Variants in ATG14 observed in about 807,000 individuals in gnomAD.
ATG14 encodes the protein autophagy related 14, also known as beclin 1-associated autophagy-related key regulator.
Under a neutral mutation model 60.4 loss-of-function variants are expected in ATG14, and 35 were observed. The observed-to-expected ratio is 0.58, with a 90% CI of 0.44 to 0.77. The LOEUF is 0.77. Among genes scored for constraint, ATG14 ranks in the 30% least tolerant of loss-of-function variants. The probability of loss-of-function intolerance (pLI) is 0.00; values close to 1 mark genes in which losing one functional copy is unlikely to be tolerated. For synonymous variants in ATG14, 234 were observed against 228.8 expected, an observed-to-expected ratio of 1.02 and a Z score of -0.21; for missense variants, 647 against 626.3, an observed-to-expected ratio of 1.03 and a Z score of -0.35.
chr14:55,391,297 A>T (rs1885211796), intron 3 of ATG14: 1 of 193,712 alleles, frequency 5.2e-6, no homozygotes, highest in Non-Finnish European at 1.0e-5. Context: ...AACATGGTGA[A>T]ACCCCATCTC....
chr14:55,395,884 T>C, intron 3 of ATG14, 56 bp downstream of exon 3: 1 of 1,271,572 alleles, frequency 7.9e-7, no homozygotes, highest in South Asian at 1.7e-5. Context: ...TTTTATAAGC[T>C]CTACCAACTT....
intron 3 of ATG14, among the ~76,000 whole-genome samples, chr14:55,391,671 C>A (rs1359135904): frequency 2.0e-5 from 3 of 152,090 alleles, no homozygotes; most frequent in African/African-American, 4.8e-5. Context: ...ACTCACACCA[C>A]CCTCATGTCA....
chr14:55,377,244 G>A (rs1435882000), intron 9 of ATG14, among the ~76,000 whole-genome samples: 2 of 152,180 alleles, frequency 1.3e-5, no homozygotes, highest in Admixed American at 1.3e-4. Context: ...CTACTTGGGA[G>A]GCTGAGGCAG....
chr14:55,391,293 G>A, intron 3 of ATG14: 1 of 197,006 alleles, frequency 5.1e-6, no homozygotes, highest in Non-Finnish European at 1.0e-5. Context: ...GGCCAACATG[G>A]TGAAACCCCA....
intron 1 of ATG14, among the ~76,000 whole-genome samples, chr14:55,403,548 T>G (rs1885445011): frequency 6.6e-6 from 1 of 152,168 alleles, no homozygotes; most frequent in Admixed American, 6.5e-5. Context: ...ATAATCTTTT[T>G]TTTTTCATGA....
At chr14:55,401,463 AAC>A (rs1264664440) in intron 1 of ATG14, among the ~76,000 whole-genome samples, 1 of 152,142 alleles carries the variant, frequency 6.6e-6, no homozygotes, top group African/African-American at 2.4e-5. Context: ...TCTGCCAGTG[AAC>A]CTGTTCCATG....
rs147703180 is a variant in ATG14, at chr14:55,408,526, C to T, written c.221+3076G>A. On this transcript the variant is annotated intron_variant, in intron 1 of 9. Transcript: ENST00000247178. Reference sequence around the variant, plus strand: ...GTGGCTCATATCTGTAATCCTAACACTTTGGGAGGCTGAGGCAGGAGGACT... The same window carrying T: ...GTGGCTCATATCTGTAATCCTAACATTTTGGGAGGCTGAGGCAGGAGGACT... Among the ~76,000 whole-genome samples the T allele has an allele frequency of 4.5e-3, 678 of 152,186 alleles. 7 individuals are homozygous for T. Among genetic ancestry groups the T allele is most frequent in the African/African-American group, 0.015 (638 of 41,504 alleles).
At chr14:55,410,865 G>A (rs570244247) in intron 1 of ATG14, among the ~76,000 whole-genome samples, 1 of 152,276 alleles carries the variant, frequency 6.6e-6, no homozygotes, top group African/African-American at 2.4e-5. Flanking sequence ...TTGAGAGTGG[G>A]AGATCCTGCA....
At chr14:55,411,552 C>T in intron 1 of ATG14, 50 bp downstream of exon 1, 1 of 1,542,246 alleles carries the variant, frequency 6.5e-7, no homozygotes, top group Non-Finnish European at 8.8e-7. Flanking sequence ...GGCTGCCTGG[C>T]TGGAGGACAC....
At chr14:55,386,173 ATGCGTGTTTTCCC>A (rs1885123244) in intron 4 of ATG14, 77 bp from the exon 5 acceptor site, 1 of 1,239,170 alleles carries the variant, frequency 8.1e-7, no homozygotes, top group East Asian at 2.3e-5. Flanking sequence ...CCCCACAAAC[ATGCGTGTTTTCCC>A]TTGCAATCTA....
chr14:55,375,465 G>A (rs974502798), intron 9 of ATG14, among the ~76,000 whole-genome samples: 28 of 150,130 alleles, frequency 1.9e-4, no homozygotes, highest in African/African-American at 6.1e-4. Context: ...TGGGACTACA[G>A]GCATGCATTA....
chr14:55,411,332 TTA>T, intron 1 of ATG14, among the ~76,000 whole-genome samples: 1 of 152,352 alleles, frequency 6.6e-6, no homozygotes, highest in Non-Finnish European at 1.5e-5. Flanking sequence ...GAGTCACCAC[TTA>T]TTCCTTTTTT....
chr14:55,393,156 C>T lies in ATG14; in HGVS notation c.328-2164G>A, dbSNP rs7143817. On this transcript the variant is annotated intron_variant, in intron 3 of 9. Transcript: ENST00000247178. ...CAGCACTTTGGGAGGCCAAGGTGGG[C>T]GGATCACGAGGTCAGGAGATTGAGA... 3.6e-3 allele frequency among the ~76,000 whole-genome samples: 550 copies of T among 152,096 alleles called. 6 individuals are homozygous for T. The highest frequency in any genetic ancestry group is 0.011 in the African/African-American group (444 of 41,492).
chr14:55,380,875 A>ATATATATATATATTT (rs377330757), intron 6 of ATG14, among the ~76,000 whole-genome samples, 185 bp from the exon 7 acceptor site: 2 of 112,704 alleles, frequency 1.8e-5, no homozygotes, highest in South Asian at 2.9e-4. Context: ...ATATATATAT[A>ATATATATATATATTT]TTTTTTTTTT....
chr14:55,396,048 T>C, intron 2 of ATG14, 66 bp from the exon 3 acceptor site: 1 of 1,266,906 alleles, frequency 7.9e-7, no homozygotes, highest in Non-Finnish European at 1.1e-6. Context: ...TTCAAAAATG[T>C]AAAATCAAAC....
chr14:55,380,168 A>G (rs1235313267), intron 7 of ATG14, among the ~76,000 whole-genome samples: 1 of 152,090 alleles, frequency 6.6e-6, no homozygotes, highest in African/African-American at 2.4e-5. Flanking sequence ...GGATTGCCTG[A>G]AACTGTGAGG....
At chr14:55,371,376 C>T (rs1172043899) in intron 9 of ATG14, among the ~76,000 whole-genome samples, 3 of 152,212 alleles carry the variant, frequency 2.0e-5, no homozygotes, top group African/African-American at 4.8e-5. Context: ...CTCCCAGACA[C>T]CTGTGCTTCC....
In ATG14 at chr14:55,411,750, C is replaced by T. The variant is rs747495347; in HGVS notation, c.73G>A (p.Asp25Asn). The T allele has an allele frequency of 2.3e-5, 37 of 1,608,830 alleles. No individual in the cohort carries two copies. The African/African-American group carries it at 4.5e-4, about 20-fold the overall frequency. Residue 25 changes from aspartate to asparagine, a missense_variant, in exon 1 of 10, where the codon GAC (aspartate) becomes AAC (asparagine). By Grantham distance (23) the Asp-to-Asn change is conservative (BLOSUM62 1). Transcript: ENST00000247178. The stretch of plus-strand genomic sequence containing the variant: ...GCATCGTCCACGGAGTCCACCAGGT[C>T]CCGGGCGAGCGGCCGGGGCCCGCAG... ...PGCGPRPLAR[D>N]LVDSVDDAEG... is the part of the protein sequence containing the mutation.
chr14:55,369,427 G>T lies in ATG14; in HGVS notation c.*192C>A. Reference sequence around the variant, plus strand: ...ACCCCTGTTCTCTTAATTATCATAAGCATGTTGGTCACCATCACAGGCCAC... The same window carrying T: ...ACCCCTGTTCTCTTAATTATCATAATCATGTTGGTCACCATCACAGGCCAC... On this transcript the variant is annotated 3_prime_UTR_variant, in exon 10 of 10. Transcript: ENST00000247178. The T allele has an allele frequency of 2.1e-6, 1 of 478,070 alleles. No homozygotes were observed. The allele number at this position is 478,070 out of a possible 1,614,324, so 29.6% of individuals were successfully genotyped here.
Sources: allele counts gnomAD v4.1 joint callset (sites outside exome capture counted in the v4.1 genomes callset), GRCh38; gene constraint gnomAD v4.1.1; transcripts MANE v1.5; gene names NCBI Gene and HGNC (gene_info 2026-07-23, HGNC 2026-07-21).